Variants in GLMN observed in about 807,000 individuals in gnomAD.
The protein encoded by GLMN is glomulin, FKBP associated protein.
A neutral mutation model predicts 87.8 loss-of-function variants in GLMN; 75 were observed. The ratio of observed to expected loss-of-function variants is 0.85; its 90% CI spans 0.71 to 1.04. The LOEUF (loss-of-function observed/expected upper bound fraction) is 1.04. Ranked by LOEUF, GLMN falls within the 50% of genes least tolerant of loss-of-function variation. The pLI is 0.00. For missense variants in GLMN, 588 were observed against 658.8 expected (o/e 0.89, Z 1.18); for synonymous variants, 206 against 221.6 (o/e 0.93, Z 0.63).
chr1:92,275,260 C>G (rs1647200050), intron 7 of GLMN, among the ~76,000 whole-genome samples: 2 of 152,180 alleles, frequency 1.3e-5, no homozygotes, highest in East Asian at 1.9e-4. Context: ...CTCTCCTTCA[C>G]CTAGAAATCT....
chr1:92,354,192 C>G, the GLMN span, among the ~76,000 whole-genome samples: 1 of 152,170 alleles, frequency 6.6e-6, no homozygotes, highest in Non-Finnish European at 1.5e-5. Context: ...CCTGATTGAG[C>G]TCCCTGAGAG....
the GLMN span, among the ~76,000 whole-genome samples, chr1:92,318,355 G>A: frequency 6.6e-6 from 1 of 152,212 alleles, no homozygotes; most frequent in African/African-American, 2.4e-5. Flanking sequence ...GAGGCTCAGA[G>A]TGGTATGGTG....
At chr1:92,299,548 C>CT, upstream of GLMN, among the ~76,000 whole-genome samples, 1 of 152,240 alleles carries the variant, frequency 6.6e-6, no homozygotes, top group East Asian at 1.9e-4. Context: ...GGACTCCCCT[C>CT]TTCCCCCAGA....
chr1:92,252,504 A>G (rs1248642810), intron 16 of GLMN, among the ~76,000 whole-genome samples: 1 of 152,234 alleles, frequency 6.6e-6, no homozygotes, highest in Non-Finnish European at 1.5e-5. Context: ...GCTGTTTTCA[A>G]TGGCAATAGC....
At chr1:92,319,491 C>T in the GLMN span, among the ~76,000 whole-genome samples, 6 of 152,204 alleles carry the variant, frequency 3.9e-5, no homozygotes, top group East Asian at 1.9e-4. Context: ...GTCTGGCAGG[C>T]GCGGTGGCTC....
chr1:92,333,046 A>G, the GLMN span, among the ~76,000 whole-genome samples: 2 of 152,112 alleles, frequency 1.3e-5, no homozygotes, highest in Non-Finnish European at 2.9e-5. Context: ...TAATATATTT[A>G]TAGTATTTGC....
the GLMN span, chr1:92,323,416 A>T: frequency 7.0e-7 from 1 of 1,428,504 alleles, no homozygotes; most frequent in Non-Finnish European, 9.5e-7. Context: ...TTTTTTATTT[A>T]GTTATTTTAT....
chr1:92,286,280 A>G (rs1012042415), intron 7 of GLMN, among the ~76,000 whole-genome samples: 7 of 150,564 alleles, frequency 4.6e-5, no homozygotes, highest in African/African-American at 7.3e-5. Flanking sequence ...ATTATTATAA[A>G]TAAGTATATA....
the GLMN span, among the ~76,000 whole-genome samples, chr1:92,326,929 T>C: frequency 6.6e-6 from 1 of 152,214 alleles, no homozygotes; most frequent in Non-Finnish European, 1.5e-5. Context: ...CTGTGGAGTC[T>C]GCACACCAGA....
In GLMN at chr1:92,297,292, G is replaced by A. The variant is rs1403260101; in HGVS notation, c.165+112C>T. The A allele has an allele frequency of 4.2e-6, 6 of 1,419,762 alleles. No homozygotes were observed. The African/African-American group carries it at 8.5e-5, about 20-fold the overall frequency. The allele number at this position is 1,419,762 out of a possible 1,614,324, so 87.9% of individuals were successfully genotyped here. A position where few individuals can be genotyped will look rare whatever the true frequency, so the allele number is the denominator to read the frequency against. ...CTTTTTTTGTTTTCAGTTCCCTACTGTGAAAATTTAAGTAGATTCTTAAAT... is the reference window on the plus strand; with the variant it reads ...CTTTTTTTGTTTTCAGTTCCCTACTATGAAAATTTAAGTAGATTCTTAAAT... On this transcript the variant is annotated intron_variant, in intron 3 of 18. Transcript: ENST00000370360.
At chr1:92,259,409 A>G (rs1380659547) in intron 16 of GLMN, among the ~76,000 whole-genome samples, 1 of 152,192 alleles carries the variant, frequency 6.6e-6, no homozygotes, top group Admixed American at 6.5e-5. Context: ...TTAACCAAGG[A>G]GATACAAGAG....
At chr1:92,309,572 TATACATATACATACACATAC>T in the GLMN span, among the ~76,000 whole-genome samples, 1 of 24,482 alleles carries the variant, frequency 4.1e-5, no homozygotes. Flanking sequence ...CACATACACA[TATACATATACATACACATAC>T]ACATACACAT....
intron 7 of GLMN, among the ~76,000 whole-genome samples, chr1:92,282,308 G>C (rs1191288150): frequency 1.3e-5 from 2 of 152,166 alleles, no homozygotes; most frequent in African/African-American, 4.8e-5. Context: ...TTAGAACTCA[G>C]GATTCAGAAA....
At chr1:92,300,323 C>CA, upstream of GLMN, 1 of 831,672 alleles carries the variant, frequency 1.2e-6, no homozygotes, top group Non-Finnish European at 1.8e-6. Context: ...TAATGGTTAC[C>CA]TTTTTTTTTT....
At chr1:92,301,615 T>G (rs766713224), upstream of GLMN, 1 of 961,690 alleles carries the variant, frequency 1.0e-6, no homozygotes, top group South Asian at 1.7e-5. Context: ...GACAAATTAT[T>G]AGTTTTGTAG....
intron 9 of GLMN, among the ~76,000 whole-genome samples, chr1:92,268,803 G>C (rs1484911567): frequency 6.6e-6 from 1 of 151,980 alleles, no homozygotes; most frequent in African/African-American, 2.4e-5. Flanking sequence ...CTGATCTCAG[G>C]GGATAATTTA....
chr1:92,337,065 G>A, the GLMN span, among the ~76,000 whole-genome samples: 1 of 151,998 alleles, frequency 6.6e-6, no homozygotes, highest in Non-Finnish European at 1.5e-5. Context: ...TATTAGTAGA[G>A]GTGTACCAAA....
At chr1:92,305,387 C>A in the GLMN span, among the ~76,000 whole-genome samples, 5 of 135,228 alleles carry the variant, frequency 3.7e-5, no homozygotes, top group South Asian at 9.7e-4. Context: ...GAGCCGAGAT[C>A]GCACCACTGC....
chr1:92,255,490 T>C (rs1654103019), intron 16 of GLMN, among the ~76,000 whole-genome samples: 1 of 152,132 alleles, frequency 6.6e-6, no homozygotes. Context: ...TATTCTAAAA[T>C]TGACCACATA....
Sources: gnomAD v4.1 joint callset for allele counts (sites outside exome capture counted in the v4.1 genomes callset) on GRCh38, gnomAD v4.1.1 for gene constraint, MANE v1.5 for transcripts, NCBI Gene and HGNC (gene_info 2026-07-23, HGNC 2026-07-21) for gene names.